Variants in MGAT4C observed in about 807,000 individuals in gnomAD.
MGAT4C encodes the protein MGAT4 family member C, also known as alpha-1,3-mannosyl-glycoprotein 4-beta-N-acetylglucosaminyltransferase C.
In MGAT4C, 19 loss-of-function variants were observed where a neutral mutation model predicts 40.1. The ratio of observed to expected loss-of-function variants is 0.47; its 90% confidence interval spans 0.33 to 0.70. MGAT4C has a LOEUF of 0.70. Among genes scored for constraint, MGAT4C ranks in the 30% least tolerant of loss-of-function variants. The pLI, the probability that MGAT4C is intolerant of heterozygous loss-of-function variation, is 0.02. For synonymous variants in MGAT4C, 181 were observed against 187.1 expected (o/e 0.97, Z 0.27); for missense variants, 491 against 563.2 (o/e 0.87, Z 1.30).
intron 2 of MGAT4C, among the ~76,000 whole-genome samples, chr12:86,697,650 T>G (rs972027112): frequency 1.3e-5 from 2 of 152,106 alleles, no homozygotes; most frequent in South Asian, 4.1e-4. Flanking sequence ...AAATTATATT[T>G]AAATATAAAT....
At chr12:86,098,966 C>T (rs958837160) in intron 1 of MGAT4C, among the ~76,000 whole-genome samples, 2 of 151,582 alleles carry the variant, frequency 1.3e-5, no homozygotes, top group East Asian at 3.9e-4. Context: ...CCTTTCTTCT[C>T]ACTTAAAACT....
At chr12:86,108,570 C>G (rs1411636101) in intron 1 of MGAT4C, among the ~76,000 whole-genome samples, 1 of 152,108 alleles carries the variant, frequency 6.6e-6, no homozygotes, top group African/African-American at 2.4e-5. Flanking sequence ...GTAACTCTCT[C>G]CAGATAGGAA....
At chr12:86,033,042 T>C (rs1306926623) in intron 2 of MGAT4C, among the ~76,000 whole-genome samples, 1 of 149,626 alleles carries the variant, frequency 6.7e-6, no homozygotes, top group Non-Finnish European at 1.5e-5. Flanking sequence ...CATAGCTTGT[T>C]TTTGTAGACT....
intron 2 of MGAT4C, among the ~76,000 whole-genome samples, chr12:86,533,841 A>C: frequency 6.7e-6 from 1 of 149,544 alleles, no homozygotes; most frequent in East Asian, 2.0e-4. Context: ...AACATTTCTC[A>C]TTATATATTC....
At chr12:86,024,422 T>G (rs1390096026) in intron 2 of MGAT4C, among the ~76,000 whole-genome samples, 1 of 151,846 alleles carries the variant, frequency 6.6e-6, no homozygotes, top group African/African-American at 2.4e-5. Flanking sequence ...TGGAAGGGAC[T>G]AGTTCTAAAG....
intron 2 of MGAT4C, among the ~76,000 whole-genome samples, chr12:86,681,731 T>C (rs1488507932): frequency 6.6e-6 from 1 of 152,014 alleles, no homozygotes; most frequent in Non-Finnish European, 1.5e-5. Flanking sequence ...ATAATTTTTA[T>C]TATAAATTAA....
intron 3 of MGAT4C, among the ~76,000 whole-genome samples, chr12:86,363,029 AC>A (rs1955516398): frequency 6.6e-6 from 1 of 152,158 alleles, no homozygotes; most frequent in African/African-American, 2.4e-5. Flanking sequence ...GGATCTAACA[AC>A]AGAACTTAAA....
chr12:86,821,591 A>G (rs570740182), intron 1 of MGAT4C, among the ~76,000 whole-genome samples: 1 of 151,006 alleles, frequency 6.6e-6, no homozygotes, highest in South Asian at 2.1e-4. Context: ...ACCAAACACT[A>G]TATCTTATTC....
intron 1 of MGAT4C, among the ~76,000 whole-genome samples, chr12:86,118,756 T>C (rs894397632): frequency 6.6e-6 from 1 of 152,176 alleles, no homozygotes; most frequent in Non-Finnish European, 1.5e-5. Flanking sequence ...CTATGAGCTA[T>C]TGTAGGTAAT....
In MGAT4C at chr12:86,502,704, T is replaced by A. The variant is rs186793173; in HGVS notation, c.-228-67439A>T. Among the ~76,000 whole-genome samples, 1,176 of 146,970 alleles carry A rather than the reference T, an allele frequency of 8.0e-3. 8 individuals carry two copies. Among genetic ancestry groups the A allele is most frequent in the Middle Eastern group, 0.019 (5 of 268 alleles). Reference sequence around the variant, plus strand: ...GTTCTGCTCATATATATACACGAGATCTGCTCATATATATATACACGAGTT... The same window carrying A: ...GTTCTGCTCATATATATACACGAGAACTGCTCATATATATATACACGAGTT... On this transcript the variant is annotated intron_variant, in intron 2 of 7. Transcript: ENST00000548651.
chr12:86,254,329 C>A (rs1383643522), intron 1 of MGAT4C, among the ~76,000 whole-genome samples: 4 of 151,856 alleles, frequency 2.6e-5, no homozygotes, highest in Non-Finnish European at 5.9e-5. Flanking sequence ...AGGAGATAAG[C>A]AATTTAACAC....
At chr12:86,742,567 C>T (rs1951084117) in intron 1 of MGAT4C, among the ~76,000 whole-genome samples, 1 of 151,418 alleles carries the variant, frequency 6.6e-6, no homozygotes, top group Admixed American at 6.6e-5. Context: ...TACACATGAA[C>T]CAAACCCTGT....
chr12:86,793,965 G>T (rs939666475), intron 1 of MGAT4C, among the ~76,000 whole-genome samples: 19 of 151,838 alleles, frequency 1.3e-4, no homozygotes, highest in African/African-American at 4.6e-4. Flanking sequence ...CAAGAATTTG[G>T]AAAGCAAGTA....
At chr12:86,244,298 T>A (rs1951922790) in intron 1 of MGAT4C, among the ~76,000 whole-genome samples, 1 of 152,148 alleles carries the variant, frequency 6.6e-6, no homozygotes, top group Non-Finnish European at 1.5e-5. Flanking sequence ...TCAGAAACTC[T>A]CAGGATGTAA....
intron 2 of MGAT4C, among the ~76,000 whole-genome samples, chr12:86,443,938 G>A (rs1957286183): frequency 6.6e-6 from 1 of 152,074 alleles, no homozygotes; most frequent in African/African-American, 2.4e-5. Flanking sequence ...ACTTTCTCAT[G>A]CTAATTCTTC....
intron 2 of MGAT4C, among the ~76,000 whole-genome samples, chr12:86,547,878 A>T (rs1382406578): frequency 6.6e-6 from 1 of 152,134 alleles, no homozygotes; most frequent in African/African-American, 2.4e-5. Context: ...TTTACAGGGT[A>T]GGCATGTTTT....
chr12:86,588,514 G>A (rs895170964), intron 2 of MGAT4C, among the ~76,000 whole-genome samples: 2 of 151,824 alleles, frequency 1.3e-5, no homozygotes, highest in Non-Finnish European at 2.9e-5. Context: ...AGTTAACAAG[G>A]ACACCCAGGA....
chr12:86,402,850 A>G (rs183090943), intron 3 of MGAT4C, among the ~76,000 whole-genome samples: 5 of 152,268 alleles, frequency 3.3e-5, no homozygotes, highest in Admixed American at 2.0e-4. Flanking sequence ...GTGATTTTAA[A>G]TTGCAAACTT....
chr12:86,624,525 T>C (rs140780899), intron 2 of MGAT4C, among the ~76,000 whole-genome samples: 1 of 152,276 alleles, frequency 6.6e-6, no homozygotes, highest in African/African-American at 2.4e-5. Context: ...CCTAATGAAG[T>C]GGAAACGTCA....
Sources: gnomAD v4.1 joint callset for allele counts (sites outside exome capture counted in the v4.1 genomes callset) on GRCh38, gnomAD v4.1.1 for gene constraint, MANE v1.5 for transcripts, NCBI Gene and HGNC (gene_info 2026-07-23, HGNC 2026-07-21) for gene names.